Variants in GFRA3 observed in about 807,000 individuals in gnomAD.
GFRA3 encodes the protein GDNF family receptor alpha 3.
Under a neutral mutation model 40.0 loss-of-function variants are expected in GFRA3, and 24 were observed. The observed-to-expected ratio is 0.60, with a 90% CI of 0.43 to 0.84. The LOEUF (loss-of-function observed/expected upper bound fraction) is 0.84. Among genes scored for constraint, GFRA3 ranks in the 40% least tolerant of loss-of-function variants. The probability of loss-of-function intolerance (pLI) is 0.00; values close to 1 mark genes in which losing one functional copy is unlikely to be tolerated. For synonymous variants in GFRA3, 203 were observed against 213.5 expected, an observed-to-expected ratio of 0.95 and a Z score of 0.43; for missense variants, 405 against 530.6, an observed-to-expected ratio of 0.76 and a Z score of 2.33.
intron 7 of GFRA3, 92 bp downstream of exon 7, chr5:138,253,195 A>G (rs1274084503): frequency 8.8e-6 from 8 of 909,430 alleles, no homozygotes; most frequent in Non-Finnish European, 1.4e-5. Flanking sequence ...TGAGGAGGTC[A>G]GCCCCTCGCC....
rs76093287 is a variant in GFRA3 at position 138,254,044 on chromosome 5, C to T, written c.889+13G>A. On this transcript the variant is annotated intron_variant, in intron 5 of 7. Coordinates refer to ENST00000274721, the MANE Select transcript of GFRA3 (RefSeq NM_001496.4). Reference sequence around the variant, plus strand: ...GCCAACATAGGGTTCCCTACACATGCCCCCAGCCTCACCAATCAGCCCCAG... The same window carrying T: ...GCCAACATAGGGTTCCCTACACATGTCCCCAGCCTCACCAATCAGCCCCAG... 4,453 of 1,585,154 alleles carry T rather than the reference C, an allele frequency of 2.8e-3. 110 individuals are homozygous for T. In the African/African-American group the frequency reaches 0.051, roughly 18 times the overall value.
In GFRA3 at chr5:138,274,468, C is replaced by T; in HGVS notation, c.-44G>A. 7.9e-7 allele frequency: 1 copy of T among 1,262,462 alleles called. No homozygotes were observed. The allele number at this position is 1,262,462 out of a possible 1,614,324, so 78.2% of individuals were successfully genotyped here. A position where few individuals can be genotyped will look rare whatever the true frequency, so the allele number is the denominator to read the frequency against. The stretch of plus-strand genomic sequence containing the variant: ...GGCTCCGCGCTCCCCTCGCTCCTCC[C>T]CTGGAGCTCTGAGAGCGGGGCTCCC... On this transcript the variant is annotated 5_prime_UTR_variant, in exon 1 of 8. Coordinates refer to ENST00000274721, the MANE Select transcript of GFRA3 (RefSeq NM_001496.4).
chr5:138,261,304 TG>T (rs1755706203), intron 2 of GFRA3, among the ~76,000 whole-genome samples: 3 of 152,322 alleles, frequency 2.0e-5, no homozygotes, highest in Admixed American at 2.0e-4. Context: ...TGGCTGCATT[TG>T]GCAAGGTACT....
chr5:138,271,945 G>GTGT (rs1581515827), intron 1 of GFRA3, among the ~76,000 whole-genome samples: 8 of 124,112 alleles, frequency 6.4e-5, no homozygotes, highest in Non-Finnish European at 1.0e-4. Flanking sequence ...GTGTGTGTGT[G>GTGT]GTTTGGTTGT....
At chr5:138,254,791 G>A (rs938132864) in intron 4 of GFRA3, among the ~76,000 whole-genome samples, 7 of 151,998 alleles carry the variant, frequency 4.6e-5, no homozygotes, top group South Asian at 2.1e-4. Context: ...TTTTTGTGAG[G>A]ATGAAGTAAG....
chr5:138,253,367 T>C lies in GFRA3; in HGVS notation c.1033A>G (p.Ile345Val), dbSNP rs1265067750. 1.3e-6 allele frequency: 2 copies of C among 1,588,310 alleles called. No individual in the cohort carries two copies. The highest frequency in any genetic ancestry group is 1.7e-5 in the Admixed American group (1 of 57,648). ...CTGTGAAAACGCATCTTAGCTGCAA[T>C]GGCCTCCGCTGAAGAGAGGAGAGAA... ...FSHNPCLTEAIAAKMRFHSQL... is the reference protein window; with the variant it reads ...FSHNPCLTEAVAAKMRFHSQL... The change falls in exon 7 of 8, where the codon ATT becomes GTT. Residue 345 changes from isoleucine (I) to valine (V), a missense_variant. Ile to Val is a conservative substitution (Grantham distance 29). Coordinates refer to ENST00000274721, the MANE Select transcript of GFRA3 (RefSeq NM_001496.4).
At chr5:138,265,206 C>CTTTT (rs56317441) in intron 1 of GFRA3, among the ~76,000 whole-genome samples, 1 of 50,550 alleles carries the variant, frequency 2.0e-5, no homozygotes, top group African/African-American at 7.7e-5. Context: ...TCTAGGAGAA[C>CTTTT]TTTTTTTTTT....
chr5:138,258,992 C>G (rs1465078546), intron 3 of GFRA3, among the ~76,000 whole-genome samples: 1 of 152,156 alleles, frequency 6.6e-6, no homozygotes, highest in Non-Finnish European at 1.5e-5. Flanking sequence ...TCACATCTTT[C>G]TCAAAAAGAG....
chr5:138,254,247 G>A (rs1755595468), intron 4 of GFRA3, 87 bp from the exon 5 acceptor site: 1 of 778,090 alleles, frequency 1.3e-6, no homozygotes, highest in Admixed American at 2.2e-5. Context: ...GAGTGCAGTA[G>A]CTCAATCTTG....
Position 138,257,799 on chromosome 5 carries a change from C to G in GFRA3, c.625G>C (p.Glu209Gln), listed in dbSNP as rs1267004037. Residue 209 changes from glutamate to glutamine, a missense_variant, in exon 4 of 8, where the codon GAG (glutamate) becomes CAG (glutamine). By Grantham distance (29) the Glu-to-Gln change is conservative. Coordinates refer to ENST00000274721, the MANE Select transcript of GFRA3 (RefSeq NM_001496.4). ...QLLTFFEKAA[E>Q]PHAQGLLLCP... The stretch of plus-strand genomic sequence containing the variant: ...AGTAGCAGGCCCTGCGCGTGGGGCT[C>G]GGCGGCCTTCTCGAAGAAAGTGAGC... 5 of 1,612,984 alleles carry G rather than the reference C, an allele frequency of 3.1e-6. No individual in the cohort carries two copies. The highest frequency in any genetic ancestry group is 4.2e-6 in the Non-Finnish European group (5 of 1,179,622).
At chr5:138,270,326 C>T (rs1755850502) in intron 1 of GFRA3, among the ~76,000 whole-genome samples, 1 of 148,774 alleles carries the variant, frequency 6.7e-6, no homozygotes, top group South Asian at 2.1e-4. Flanking sequence ...GAGCCGAGAT[C>T]ACGCCACTGC....
chr5:138,270,581 G>C (rs1012462226), intron 1 of GFRA3, among the ~76,000 whole-genome samples: 1 of 151,668 alleles, frequency 6.6e-6, no homozygotes, highest in Non-Finnish European at 1.5e-5. Flanking sequence ...GGAGGGGAAG[G>C]GATAAAAGAC....
At chr5:138,261,830 C>T (rs961625269) in intron 2 of GFRA3, among the ~76,000 whole-genome samples, 2 of 151,456 alleles carry the variant, frequency 1.3e-5, no homozygotes, top group African/African-American at 4.9e-5. Context: ...GGGGAAAAGA[C>T]CAAATGAGGT....
chr5:138,261,251 G>A (rs559210122), intron 2 of GFRA3, among the ~76,000 whole-genome samples: 1 of 152,314 alleles, frequency 6.6e-6, no homozygotes, highest in South Asian at 2.1e-4. Context: ...ACTGTTAGGG[G>A]AAGCTGAGAA....
chr5:138,268,668 A>AT (rs1755822650), intron 1 of GFRA3, among the ~76,000 whole-genome samples: 1 of 152,198 alleles, frequency 6.6e-6, no homozygotes, highest in Non-Finnish European at 1.5e-5. Context: ...AGGTGGGCAG[A>AT]TCACAAGGTC....
chr5:138,270,565 C>T (rs886505809), intron 1 of GFRA3, among the ~76,000 whole-genome samples: 81 of 143,630 alleles, frequency 5.6e-4, no homozygotes, highest in African/African-American at 1.6e-3. Context: ...TGGGGGGAAG[C>T]GTGGGGGAGG....
At chr5:138,269,863 A>G (rs1755843157) in intron 1 of GFRA3, among the ~76,000 whole-genome samples, 1 of 151,412 alleles carries the variant, frequency 6.6e-6, no homozygotes, top group African/African-American at 2.4e-5. Flanking sequence ...AAAAAAAAAA[A>G]AGTAGAACTA....
intron 1 of GFRA3, among the ~76,000 whole-genome samples, chr5:138,269,334 A>C (rs1430975435): frequency 2.6e-5 from 4 of 151,528 alleles, no homozygotes; most frequent in Admixed American, 6.6e-5. Context: ...TCAGGAGTTC[A>C]AGACCAGCCT....
chr5:138,253,069 A>G lies in GFRA3; in HGVS notation c.1114-12T>C. ...GCAGGGTTTTCATTCTGTGGAAGAA[A>G]TGGAATGGAGTTAGCTCAGGGGATT... On this transcript the variant is annotated splice_polypyrimidine_tract_variant and intron_variant, in intron 7 of 7. Transcript: ENST00000274721. The G allele has an allele frequency of 6.7e-7, 1 of 1,492,288 alleles. No individual in the cohort carries two copies. Among genetic ancestry groups the G allele is most frequent in the Non-Finnish European group, 9.3e-7 (1 of 1,070,164 alleles). 92.4% of individuals were successfully genotyped at this position (1,492,288 alleles called of 1,614,324 possible). A position where few individuals can be genotyped will look rare whatever the true frequency, so the allele number is the denominator to read the frequency against.
Sources: gnomAD v4.1 joint callset for allele counts (sites outside exome capture counted in the v4.1 genomes callset) on GRCh38, gnomAD v4.1.1 for gene constraint, MANE v1.5 for transcripts, NCBI Gene and HGNC (gene_info 2026-07-23, HGNC 2026-07-21) for gene names.